Variants in HDAC9 observed in about 807,000 individuals in gnomAD.
HDAC9 encodes MEF-2 interacting transcription repressor (MITR) protein.
Under a neutral mutation model 139.4 loss-of-function variants are expected in HDAC9, and 41 were observed. The observed-to-expected ratio is 0.29, with a 90% CI of 0.23 to 0.38. HDAC9 has a LOEUF of 0.38. Among genes scored for constraint, HDAC9 ranks in the 10% least tolerant of loss-of-function variants. The pLI is 1.00. For synonymous variants in HDAC9, 517 were observed against 476.2 expected (o/e 1.09, Z -1.12); for missense variants, 1,147 against 1,297.0 (o/e 0.88, Z 1.78).
intron 2 of HDAC9, among the ~76,000 whole-genome samples, chr7:18,508,084 C>T (rs559330416): frequency 3.6e-4 from 55 of 152,232 alleles, no homozygotes; most frequent in African/African-American, 1.3e-3. Flanking sequence ...ACAGAAGATA[C>T]AGCTATTAAA....
At chr7:18,443,834 G>A (rs907643662) in intron 1 of HDAC9, among the ~76,000 whole-genome samples, 2 of 150,130 alleles carry the variant, frequency 1.3e-5, no homozygotes, top group Non-Finnish European at 3.0e-5. Context: ...ATACACATTT[G>A]TATAAACATT....
intron 1 of HDAC9, among the ~76,000 whole-genome samples, chr7:18,368,228 A>G (rs941974526): frequency 5.3e-5 from 8 of 151,976 alleles, no homozygotes; most frequent in African/African-American, 1.7e-4. Flanking sequence ...GAAATTTCCT[A>G]TGAAAGGTCA....
chr7:18,115,840 A>G (rs1196008863), intron 1 of HDAC9, among the ~76,000 whole-genome samples: 1 of 152,246 alleles, frequency 6.6e-6, no homozygotes, highest in Non-Finnish European at 1.5e-5. Context: ...GCTGAGAATA[A>G]ATAGTATTAG....
intron 6 of HDAC9, among the ~76,000 whole-genome samples, chr7:18,602,253 T>C (rs1834147551): frequency 6.6e-6 from 1 of 152,110 alleles, no homozygotes; most frequent in African/African-American, 2.4e-5. Flanking sequence ...TTATTCATAA[T>C]ATTGCTTTAT....
chr7:18,162,139 T>G, intron 1 of HDAC9: 1 of 582,624 alleles, frequency 1.7e-6, no homozygotes, highest in Non-Finnish European at 3.1e-6. Context: ...TGTGGCTGAG[T>G]CGACACTCAA....
chr7:18,621,314 C>T (rs1304176042), intron 6 of HDAC9, among the ~76,000 whole-genome samples: 1 of 151,688 alleles, frequency 6.6e-6, no homozygotes, highest in Non-Finnish European at 1.5e-5. Flanking sequence ...TTAGAGTATA[C>T]ACAAATTTTC....
At chr7:18,534,699 G>C (rs1295970527) in intron 2 of HDAC9, among the ~76,000 whole-genome samples, 2 of 152,212 alleles carry the variant, frequency 1.3e-5, no homozygotes, top group Admixed American at 6.5e-5. Flanking sequence ...TGGGGAAGTA[G>C]ATGGGTGAGT....
At chr7:18,542,356 C>A (rs577866714) in intron 2 of HDAC9, among the ~76,000 whole-genome samples, 1 of 152,038 alleles carries the variant, frequency 6.6e-6, no homozygotes, top group Non-Finnish European at 1.5e-5. Context: ...ATATAAATAC[C>A]TTAATAAAAC....
At chr7:18,893,009 A>G (rs1337808612) in intron 22 of HDAC9, among the ~76,000 whole-genome samples, 26 of 114,876 alleles carry the variant, frequency 2.3e-4, no homozygotes, top group Non-Finnish European at 3.5e-4. Context: ...GAGCTTATAC[A>G]GTGTTTCAAG....
intron 1 of HDAC9, among the ~76,000 whole-genome samples, chr7:18,303,015 A>G (rs1418360024): frequency 6.6e-6 from 1 of 151,648 alleles, no homozygotes; most frequent in Admixed American, 6.6e-5. Flanking sequence ...GTTTTTTTTT[A>G]TGACTTTTCC....
intron 2 of HDAC9, among the ~76,000 whole-genome samples, chr7:18,249,502 C>CAAAAA (rs3058733): frequency 1.2e-4 from 7 of 58,428 alleles, no homozygotes; most frequent in Admixed American, 2.6e-4. Flanking sequence ...GACTCTGTCT[C>CAAAAA]AAAAAAAAAA....
chr7:18,537,449 AT>A (rs1811273108), intron 2 of HDAC9, among the ~76,000 whole-genome samples: 1 of 152,208 alleles, frequency 6.6e-6, no homozygotes, highest in Non-Finnish European at 1.5e-5. Flanking sequence ...ATAAAATCAA[AT>A]GCCCACAAAA....
In HDAC9 at chr7:18,379,694, C is replaced by T. The variant is rs551872208; in HGVS notation, c.-42+89179C>T. Among the ~76,000 whole-genome samples, 20 of 152,220 alleles carry T rather than the reference C, an allele frequency of 1.3e-4. No individual in the cohort carries two copies. In the East Asian group the frequency reaches 1.9e-3, roughly 15 times the overall value. On this transcript the variant is annotated intron_variant, in intron 1 of 3. Coordinates refer to the HDAC9 transcript ENST00000413509. ...GTCACAAGGGCACTGAATTTTTCCC[C>T]CAGTATTTGTTCTTCTGTTTTACTG...
At chr7:18,322,665 C>G (rs1334269254) in intron 1 of HDAC9, among the ~76,000 whole-genome samples, 9 of 152,060 alleles carry the variant, frequency 5.9e-5, no homozygotes, top group Admixed American at 4.6e-4. Flanking sequence ...GCAGGGGCAT[C>G]CAAGGTGGTT....
At chr7:18,196,377 A>G (rs1000201731) in intron 2 of HDAC9, among the ~76,000 whole-genome samples, 6 of 152,202 alleles carry the variant, frequency 3.9e-5, no homozygotes, top group African/African-American at 1.4e-4. Context: ...GAGAAATTTC[A>G]AAAAGGAGGT....
At chr7:18,698,723 A>T (rs1411410530) in intron 12 of HDAC9, among the ~76,000 whole-genome samples, 1 of 152,206 alleles carries the variant, frequency 6.6e-6, no homozygotes, top group East Asian at 1.9e-4. Flanking sequence ...AATGGAAGTG[A>T]CTTTTCCCAG....
rs563513882 is a variant in HDAC9 at position 18,699,821 on chromosome 7, A to G, written c.1732-27759A>G. On this transcript the variant is annotated intron_variant, in intron 12 of 25. Transcript: ENST00000686413. ...GACTAGAAAATAGAAATCTCCTCTA[A>G]TTCCATAAAATCTTTTACTATTTGG... Among the ~76,000 whole-genome samples, 10 of 152,214 alleles carry G rather than the reference A, an allele frequency of 6.6e-5. No individual in the cohort carries two copies. The South Asian group carries it at 2.1e-3, about 32-fold the overall frequency.
intron 21 of HDAC9, among the ~76,000 whole-genome samples, chr7:18,851,175 G>GT (rs1274119548): frequency 6.6e-6 from 1 of 152,188 alleles, no homozygotes; most frequent in Non-Finnish European, 1.5e-5. Context: ...CTGAGCTGCA[G>GT]TATCTATTCG....
intron 2 of HDAC9, among the ~76,000 whole-genome samples, chr7:18,572,725 A>C (rs1422109972): frequency 1.3e-5 from 2 of 152,208 alleles, no homozygotes; most frequent in African/African-American, 4.8e-5. Flanking sequence ...TATGGATTAC[A>C]AACTAATATA....
Sources: allele counts gnomAD v4.1 joint callset (sites outside exome capture counted in the v4.1 genomes callset), GRCh38; gene constraint gnomAD v4.1.1; transcripts MANE v1.5; gene names NCBI Gene and HGNC (gene_info 2026-07-23, HGNC 2026-07-21).